The following PGAP2 variants were observed in gnomAD, a reference collection of about 807,000 sequenced individuals.
PGAP2 encodes the protein acyltransferase PGAP2.
PGAP2 carries 21 observed loss-of-function variants against 33.2 expected under a neutral mutation model. The observed-to-expected ratio is 0.63, with a 90% confidence interval of 0.45 to 0.91. PGAP2 has a LOEUF of 0.91. PGAP2 is among the 40% of genes least tolerant of loss of function. The pLI is 0.00. For missense variants in PGAP2, 345 were observed against 424.0 expected (o/e 0.81, Z 1.64); for synonymous variants, 161 against 172.9 (o/e 0.93, Z 0.54).
intron 2 of PGAP2, among the ~76,000 whole-genome samples, chr11:3,812,570 T>TCAGGTTGGAA (rs1349248464): frequency 3.3e-5 from 5 of 152,126 alleles, no homozygotes; most frequent in African/African-American, 1.2e-4. Flanking sequence ...GAAGAGACTG[T>TCAGGTTGGAA]CAGGTTGGAA....
chr11:3,797,865 G>A, exon 1 of PGAP2: 1 of 1,550,424 alleles, frequency 6.4e-7, no homozygotes, highest in Non-Finnish European at 8.7e-7. Flanking sequence ...GGGAAGCACC[G>A]GCGGGGTGTC....
upstream of PGAP2, among the ~76,000 whole-genome samples, chr11:3,806,392 C>A (rs1287422442): frequency 6.6e-6 from 1 of 152,046 alleles, no homozygotes; most frequent in Non-Finnish European, 1.5e-5. Flanking sequence ...GGGGAGAACT[C>A]AAAATCAAGA....
chr11:3,821,745 G>A (rs182521006), intron 3 of PGAP2, among the ~76,000 whole-genome samples: 4 of 148,274 alleles, frequency 2.7e-5, no homozygotes, highest in Non-Finnish European at 5.9e-5. Flanking sequence ...GCAACACAGC[G>A]AGACTCCATC....
At chr11:3,821,044 C>G (rs904069099) in intron 3 of PGAP2, among the ~76,000 whole-genome samples, 1 of 152,222 alleles carries the variant, frequency 6.6e-6, no homozygotes, top group African/African-American at 2.4e-5. Context: ...TGAGCCTGGT[C>G]TCAAGCTATG....
chr11:3,814,558 C>CT (rs369901073), intron 2 of PGAP2, among the ~76,000 whole-genome samples: 34 of 149,156 alleles, frequency 2.3e-4, no homozygotes, highest in African/African-American at 5.9e-4. Flanking sequence ...TGCCCAGCCT[C>CT]TTTTTTTTTT....
intron 1 of PGAP2, among the ~76,000 whole-genome samples, chr11:3,799,018 A>G (rs2083058143): frequency 6.6e-6 from 1 of 152,238 alleles, no homozygotes; most frequent in South Asian, 2.1e-4. Context: ...CCAAGCTTTC[A>G]CAGCGAGTTG....
rs764322302 is a variant in PGAP2, at chr11:3,818,059, A to AAC, written c.348+525_348+526insCA. On this transcript the variant is annotated intron_variant, in intron 3 of 6. Coordinates refer to ENST00000278243, the MANE Select transcript of PGAP2 (RefSeq NM_014489.4). ...AAAACCCTGTCTCAAAAACAAAACA[A>AAC]AATAAAAAAAAAAAAACAGCAGGCT... 187 of 234,622 alleles carry AAC rather than the reference A, an allele frequency of 8.0e-4. 2 individuals carry two copies. The highest frequency in any genetic ancestry group is 1.9e-3 in the East Asian group (16 of 8,574). 14.5% of individuals were successfully genotyped at this position (234,622 alleles called of 1,614,324 possible).
chr11:3,807,243 C>T (rs2084549153), upstream of PGAP2, among the ~76,000 whole-genome samples: 1 of 140,922 alleles, frequency 7.1e-6, no homozygotes, highest in Non-Finnish European at 1.5e-5. Context: ...GAGGCTGAGG[C>T]AGGAGAATCG....
intron 1 of PGAP2, among the ~76,000 whole-genome samples, chr11:3,802,475 A>T (rs1270456055): frequency 6.6e-6 from 1 of 152,162 alleles, no homozygotes; most frequent in African/African-American, 2.4e-5. Flanking sequence ...ACCCTTTTGG[A>T]GCCAAGCCCT....
chr11:3,824,019 G>A lies in PGAP2; in HGVS notation c.485G>A (p.Ser162Asn). Reference sequence around the variant, plus strand: ...TTCGCCTACTGGAACCACTACCTCAGCTGCACCTCCCCGTGTTCCTGCTAT... The same window carrying A: ...TTCGCCTACTGGAACCACTACCTCAACTGCACCTCCCCGTGTTCCTGCTAT... The part of the protein sequence containing the change: ...VAFAYWNHYL[S>N]CTSPCSCYRP... Residue 162 changes from serine (S) to asparagine (N), a missense_variant, in exon 4 of 7, where the codon AGC becomes AAC. Ser to Asn is a conservative substitution (Grantham distance 46, BLOSUM62 1). Coordinates refer to ENST00000278243, the MANE Select transcript of PGAP2 (RefSeq NM_014489.4). 1 of 1,614,100 alleles carries A rather than the reference G, an allele frequency of 6.2e-7. No homozygotes were observed. The highest frequency in any genetic ancestry group is 8.5e-7 in the Non-Finnish European group (1 of 1,180,028).
intron 1 of PGAP2, among the ~76,000 whole-genome samples, chr11:3,798,619 C>T (rs2082944710): frequency 6.9e-6 from 1 of 144,688 alleles, no homozygotes; most frequent in South Asian, 2.2e-4. Flanking sequence ...ACGTGAGCCA[C>T]CTCGCCCATG....
rs2090019643 is a variant in PGAP2 at position 3,826,368 on chromosome 11, G to A, written c.*910G>A. 1 of 152,076 alleles carries A rather than the reference G, an allele frequency of 6.6e-6. No homozygotes were observed. Among genetic ancestry groups the A allele is most frequent in the African/African-American group, 2.4e-5 (1 of 41,386 alleles). The allele number at this position is 152,076 out of a possible 1,614,324, so 9.4% of individuals were successfully genotyped here. On this transcript the variant is annotated 3_prime_UTR_variant, in exon 7 of 7. Coordinates refer to ENST00000278243, the MANE Select transcript of PGAP2 (RefSeq NM_014489.4). ...TTTGGGCCAACAGTTGCCTAGGCTT[G>A]CTAGTCTTGGGGCTCATCTTGTTTG...
intron 2 of PGAP2, among the ~76,000 whole-genome samples, chr11:3,816,682 G>A (rs566775963): frequency 7.9e-4 from 121 of 152,284 alleles, no homozygotes; most frequent in Non-Finnish European, 1.3e-3. Context: ...TCAGGGTACC[G>A]CTGGCCTGAG....
chr11:3,814,753 TTTCTTTCTTTCTTTC>T (rs2086432026), intron 2 of PGAP2, among the ~76,000 whole-genome samples: 1 of 60,596 alleles, frequency 1.7e-5, no homozygotes, highest in Non-Finnish European at 3.3e-5. Context: ...CCTTCTTTTC[TTTCTTTCTTTCTTTC>T]TTTCTTTCTT....
chr11:3,815,444 GATTAC>G (rs1214642040), intron 2 of PGAP2, among the ~76,000 whole-genome samples: 12 of 152,138 alleles, frequency 7.9e-5, no homozygotes, highest in Non-Finnish European at 1.6e-4. Flanking sequence ...GAGTAGCTGG[GATTAC>G]AGGCACACCG....
chr11:3,808,215 G>A, upstream of PGAP2: 1 of 1,513,554 alleles, frequency 6.6e-7, no homozygotes, highest in Non-Finnish European at 9.0e-7. Context: ...CGGTTAGAAT[G>A]GAGGTGCGAG....
At chr11:3,822,139 C>T (rs1032336459) in intron 3 of PGAP2, among the ~76,000 whole-genome samples, 14 of 150,124 alleles carry the variant, frequency 9.3e-5, no homozygotes, top group South Asian at 2.1e-4. Context: ...CCGAGGTGGG[C>T]GGATCACGAG....
chr11:3,824,840 C>A, intron 5 of PGAP2, 180 bp from the exon 6 acceptor site: 2 of 1,440,274 alleles, frequency 1.4e-6, no homozygotes, highest in East Asian at 2.5e-5. Flanking sequence ...ATCACTCCCC[C>A]AGAGGCAGGG....
At chr11:3,799,811 A>G (rs1156647786) in intron 1 of PGAP2, among the ~76,000 whole-genome samples, 1 of 152,174 alleles carries the variant, frequency 6.6e-6, no homozygotes, top group Non-Finnish European at 1.5e-5. Flanking sequence ...TATACAAAAA[A>G]TTAACCAAGG....
Sources: gnomAD v4.1 joint callset for allele counts (sites outside exome capture counted in the v4.1 genomes callset) on GRCh38, gnomAD v4.1.1 for gene constraint, MANE v1.5 for transcripts, NCBI Gene and HGNC (gene_info 2026-07-23, HGNC 2026-07-21) for gene names.